The following RPAIN variants were observed in gnomAD, a reference collection of about 807,000 sequenced individuals.
RPAIN encodes the protein RPA interacting protein.
A neutral mutation model predicts 30.5 loss-of-function variants in RPAIN; 29 were observed. That is an observed-to-expected ratio of 0.95 (90% CI 0.71 to 1.30). RPAIN has a LOEUF of 1.30. RPAIN is among the 50% of genes most tolerant of loss of function. RPAIN has a pLI of 0.00. For missense variants in RPAIN, 247 were observed against 264.7 expected, an observed-to-expected ratio of 0.93 and a Z score of 0.46; for synonymous variants, 101 against 93.5, an observed-to-expected ratio of 1.08 and a Z score of -0.46.
intron 6 of RPAIN, chr17:5,430,724 C>T (rs1370607895): frequency 6.6e-6 from 1 of 152,220 alleles, no homozygotes; most frequent in Non-Finnish European, 1.5e-5. Flanking sequence ...TAAAGAGGTG[C>T]TTAAGATGTT....
rs550956311 is a variant in RPAIN at position 5,432,389 on chromosome 17, G to A, written c.631-153G>A. On this transcript the variant is annotated intron_variant, in intron 6 of 6. Transcript: ENST00000381209. ...AGGTCCAGCAATGCCAAAGAGGGGCGGTCATCATGACAAACTACACTACTG... is the reference window on the plus strand; with the variant it reads ...AGGTCCAGCAATGCCAAAGAGGGGCAGTCATCATGACAAACTACACTACTG... The A allele has an allele frequency of 5.4e-4, 361 of 673,634 alleles. 1 individual carries two copies. In the African/African-American group the frequency reaches 5.5e-3, roughly 10 times the overall value. 41.7% of individuals were successfully genotyped at this position (673,634 alleles called of 1,614,324 possible).
chr17:5,425,411 C>G, intron 3 of RPAIN: 1 of 445,356 alleles, frequency 2.2e-6, no homozygotes, highest in South Asian at 1.6e-5. Context: ...TCTCGGATCA[C>G]TGCAACCTCC....
intron 6 of RPAIN, chr17:5,429,205 G>A (rs1915680071): frequency 3.0e-6 from 3 of 985,064 alleles, no homozygotes; most frequent in Non-Finnish European, 2.4e-6. Flanking sequence ...AGAGGAGGGT[G>A]ATCTCCTTTA....
At chr17:5,423,520 T>TA (rs200527959) in intron 3 of RPAIN, among the ~76,000 whole-genome samples, 2,141 of 152,078 alleles carry the variant, frequency 0.014, 21 homozygotes, top group Non-Finnish European at 0.022. Flanking sequence ...CCTGTCACTT[T>TA]AAAAAATAAA....
At position 5,432,574 on chromosome 17, in the gene RPAIN, C is replaced by T; in HGVS notation, c.*3C>T. The T allele has an allele frequency of 1.9e-6, 3 of 1,613,602 alleles. No homozygotes were observed. Among genetic ancestry groups the T allele is most frequent in the Non-Finnish European group, 1.7e-6 (2 of 1,179,508 alleles). On this transcript the variant is annotated 3_prime_UTR_variant, in exon 7 of 7. Transcript: ENST00000381209. ...ATACTTGGGCTGTGATCCTCTAGAG[C>T]CAGCTTGGACTCACATCATTCTATG...
Position 5,420,247 on chromosome 17 carries a change from T to C in RPAIN, c.37T>C (p.Tyr13His), listed in dbSNP as rs1319785118. ...GTTGAGGTCTCCGCGCCGCTCCCTGTACAAACTGGTGGGCTCGCCGCCTTG... is the reference window on the plus strand; with the variant it reads ...GTTGAGGTCTCCGCGCCGCTCCCTGCACAAACTGGTGGGCTCGCCGCCTTG... Reference protein sequence around the residue: ...ESLRSPRRSLYKLVGSPPWKE... With the variant: ...ESLRSPRRSLHKLVGSPPWKE... The change falls in exon 1 of 7, where the codon TAC becomes CAC. Residue 13 changes from tyrosine to histidine, a missense_variant. Transcript: ENST00000381209. The C allele has an allele frequency of 6.2e-7, 1 of 1,613,746 alleles. No individual in the cohort carries two copies. The highest frequency in any genetic ancestry group is 8.5e-7 in the Non-Finnish European group (1 of 1,179,990).
intron 6 of RPAIN, chr17:5,431,484 TAAAAA>T: frequency 5.5e-6 from 2 of 363,296 alleles, no homozygotes; most frequent in South Asian, 2.0e-5. Flanking sequence ...GATTGTGCCT[TAAAAA>T]AAAAAAAAAA....
At chr17:5,425,278 A>G (rs1415455047) in intron 3 of RPAIN, 5 of 455,738 alleles carry the variant, frequency 1.1e-5, no homozygotes, top group Non-Finnish European at 2.2e-5. Context: ...GATTCTGAAC[A>G]ACACAGATTC....
intron 5 of RPAIN, 90 bp downstream of exon 5, chr17:5,426,389 G>A: frequency 8.9e-7 from 1 of 1,127,032 alleles, no homozygotes; most frequent in Non-Finnish European, 1.4e-6. Context: ...GGAGCCCATT[G>A]TGCATATTTC....
intron 5 of RPAIN, 29 bp from the exon 6 acceptor site, chr17:5,428,042 A>C: frequency 6.2e-7 from 1 of 1,612,098 alleles, no homozygotes; most frequent in Non-Finnish European, 8.5e-7. Context: ...CAAGTCACTG[A>C]GAGGAGGTTG....
In RPAIN at chr17:5,421,307, G is replaced by A; in HGVS notation, c.93G>A (p.Glu31=). Residue 31 remains glutamate (E), a synonymous_variant, in exon 2 of 7, where the codon GAG becomes GAA. Transcript: ENST00000381209. ...WKEAFRQRCL[E]RMRNSRDRLL... Reference sequence around the variant, plus strand: ...CTCTTTTTTCCCAGAGATGCCTGGAGAGAATGAGAAACAGCCGGGACAGGC... The same window carrying A: ...CTCTTTTTTCCCAGAGATGCCTGGAAAGAATGAGAAACAGCCGGGACAGGC... The A allele has an allele frequency of 6.2e-7, 1 of 1,610,566 alleles. No homozygotes were observed. The highest frequency in any genetic ancestry group is 8.5e-7 in the Non-Finnish European group (1 of 1,178,918).
intron 6 of RPAIN, chr17:5,431,179 G>T (rs1915876231): frequency 3.1e-6 from 1 of 323,766 alleles, no homozygotes; most frequent in Non-Finnish European, 5.9e-6. Context: ...AGGGGAGGTG[G>T]GGGTCACAGC....
chr17:5,432,875 A>T lies in RPAIN; in HGVS notation c.*304A>T. 9.5e-7 allele frequency: 1 copy of T among 1,049,212 alleles called. No individual in the cohort carries two copies. Among genetic ancestry groups the T allele is most frequent in the Middle Eastern group, 3.2e-4 (1 of 3,118 alleles). 65.0% of individuals were successfully genotyped at this position (1,049,212 alleles called of 1,614,324 possible). On this transcript the variant is annotated 3_prime_UTR_variant, in exon 7 of 7. Transcript: ENST00000381209. ...AAATGATAATAAATGAGAACACAAAACATATAATTTAAATTTGGTATTTTT... is the reference window on the plus strand; with the variant it reads ...AAATGATAATAAATGAGAACACAAATCATATAATTTAAATTTGGTATTTTT...
chr17:5,422,368 C>T (rs905114391), intron 2 of RPAIN, among the ~76,000 whole-genome samples: 7 of 152,214 alleles, frequency 4.6e-5, no homozygotes, highest in Non-Finnish European at 8.8e-5. Context: ...GTGTGTCCTG[C>T]AGTACACCAA....
rs1386140604 is a variant in RPAIN at position 5,428,111 on chromosome 17, A to C, written c.530A>C (p.Glu177Ala). Residue 177 changes from glutamate to alanine, a missense_variant, in exon 6 of 7, where the codon GAG becomes GCG. By Grantham distance (107) the Glu-to-Ala change is moderately radical. Transcript: ENST00000381209. ...LTEQKLRACLEGSINEHSAHC... is the reference protein window; with the variant it reads ...LTEQKLRACLAGSINEHSAHC... Reference sequence around the variant, plus strand: ...GAGCAGAAGCTTCGTGCCTGTTTAGAGGGTAGTATAAATGAGCACAGTGCA... The same window carrying C: ...GAGCAGAAGCTTCGTGCCTGTTTAGCGGGTAGTATAAATGAGCACAGTGCA... 1.2e-6 allele frequency: 2 copies of C among 1,614,130 alleles called. No homozygotes were observed. Among genetic ancestry groups the C allele is most frequent in the South Asian group, 2.2e-5 (2 of 91,080 alleles).
intron 6 of RPAIN, chr17:5,429,450 G>C: frequency 8.1e-6 from 8 of 985,392 alleles, no homozygotes; most frequent in Non-Finnish European, 9.6e-6. Flanking sequence ...ATAGGAAACA[G>C]ATTCAGAGAA....
intron 2 of RPAIN, 46 bp downstream of exon 2, chr17:5,421,512 A>G: frequency 6.4e-7 from 1 of 1,574,094 alleles, no homozygotes; most frequent in Non-Finnish European, 8.7e-7. Context: ...TGCACCACCA[A>G]GAACGGCTCG....
At position 5,420,290 on chromosome 17, in the gene RPAIN, A is replaced by G. The variant is rs1567583153; in HGVS notation, c.80A>G (p.Gln27Arg). The change falls in exon 1 of 7, where the codon CAG (glutamine) becomes CGG (arginine). Residue 27 changes from glutamine to arginine, a missense_variant and splice_region_variant. Transcript: ENST00000381209. Reference sequence around the variant, plus strand: ...CCGCCTTGGAAAGAGGCTTTCCGGCAGGTGGGTATGGGGTTTGTGCAGTGG... The same window carrying G: ...CCGCCTTGGAAAGAGGCTTTCCGGCGGGTGGGTATGGGGTTTGTGCAGTGG... ...GSPPWKEAFR[Q>R]RCLERMRNSR... is the part of the protein sequence containing the mutation. 2 of 1,612,616 alleles carry G rather than the reference A, an allele frequency of 1.2e-6. No homozygotes were observed. Among genetic ancestry groups the G allele is most frequent in the African/African-American group, 1.3e-5 (1 of 74,796 alleles).
At position 5,432,599 on chromosome 17, in the gene RPAIN, G is replaced by A. The variant is rs763467774; in HGVS notation, c.*28G>A. 7 of 1,608,310 alleles carry A rather than the reference G, an allele frequency of 4.4e-6. No individual in the cohort carries two copies. The highest frequency in any genetic ancestry group is 1.7e-4 in the Middle Eastern group (1 of 6,054). On this transcript the variant is annotated 3_prime_UTR_variant, in exon 7 of 7. Transcript: ENST00000381209. ...CCAGCTTGGACTCACATCATTCTAT[G>A]GGGTTGAAGACAACTCATTCCCTCT... is the stretch of plus-strand genomic sequence containing the variant.
Sources: allele counts gnomAD v4.1 joint callset (sites outside exome capture counted in the v4.1 genomes callset), GRCh38; gene constraint gnomAD v4.1.1; transcripts MANE v1.5; gene names NCBI Gene and HGNC (gene_info 2026-07-23, HGNC 2026-07-21).